Variants in SPMIP11 observed in about 807,000 individuals in gnomAD.
SPMIP11 encodes long intergenic non-protein coding RNA 935.
the SPMIP11 span, among the ~76,000 whole-genome samples, chr12:48,754,627 T>C: frequency 6.6e-6 from 1 of 151,876 alleles, no homozygotes; most frequent in Non-Finnish European, 1.5e-5. Flanking sequence ...ATTTTTTGTA[T>C]TTTTAGTAGA....
At chr12:48,765,504 C>G in the SPMIP11 span, 1 of 673,966 alleles carries the variant, frequency 1.5e-6, no homozygotes, top group Non-Finnish European at 2.7e-6. Flanking sequence ...GCTGGGATTA[C>G]AGGCGTGAGC....
the SPMIP11 span, among the ~76,000 whole-genome samples, chr12:48,757,912 T>C: frequency 6.6e-6 from 1 of 151,716 alleles, no homozygotes; most frequent in African/African-American, 2.4e-5. Context: ...GAGAATCGCT[T>C]GAACCCGGCA....
At chr12:48,732,771 A>G in the SPMIP11 span, among the ~76,000 whole-genome samples, 4 of 144,680 alleles carry the variant, frequency 2.8e-5, no homozygotes, top group Non-Finnish European at 6.1e-5. Flanking sequence ...ACTCCATCTG[A>G]AAAAAAAAAA....
the SPMIP11 span, among the ~76,000 whole-genome samples, chr12:48,742,742 G>A: frequency 2.0e-5 from 3 of 151,800 alleles, no homozygotes; most frequent in South Asian, 2.1e-4. Context: ...AAAATTAGCC[G>A]GGCATGGTGG....
the SPMIP11 span, chr12:48,770,900 G>T: frequency 3.7e-6 from 6 of 1,614,250 alleles, no homozygotes; most frequent in Non-Finnish European, 5.1e-6. Context: ...GTTCAGCCCT[G>T]AGGCAGCCAT....
the SPMIP11 span, among the ~76,000 whole-genome samples, chr12:48,730,642 A>G: frequency 6.6e-6 from 1 of 152,262 alleles, no homozygotes; most frequent in Admixed American, 6.5e-5. Flanking sequence ...TATCAGTAAG[A>G]AAACTGAGGC....
the SPMIP11 span, among the ~76,000 whole-genome samples, chr12:48,728,170 C>CT: frequency 6.9e-3 from 1,056 of 152,298 alleles, 18 homozygotes; most frequent in East Asian, 0.075. Context: ...ATGTTGGTGA[C>CT]TAGGGTTAAG....
chr12:48,754,850 G>C, the SPMIP11 span, among the ~76,000 whole-genome samples: 1 of 147,388 alleles, frequency 6.8e-6, no homozygotes, highest in Non-Finnish European at 1.5e-5. Flanking sequence ...GAACTTCAGC[G>C]ATCTTCCCAC....
chr12:48,729,471 T>A, the SPMIP11 span, among the ~76,000 whole-genome samples: 1 of 151,476 alleles, frequency 6.6e-6, no homozygotes, highest in East Asian at 1.9e-4. Flanking sequence ...GAAGTGGAGG[T>A]TGCAGTGAGC....
chr12:48,768,521 C>A, the SPMIP11 span: 1 of 1,609,802 alleles, frequency 6.2e-7, no homozygotes, highest in African/African-American at 1.3e-5. Flanking sequence ...GCCACAGCTC[C>A]ACCCAGTGAG....
chr12:48,751,288 G>A, the SPMIP11 span, among the ~76,000 whole-genome samples: 1 of 152,168 alleles, frequency 6.6e-6, no homozygotes, highest in Non-Finnish European at 1.5e-5. Context: ...AATGGATGTG[G>A]GGAACATACT....
chr12:48,740,768 T>C, the SPMIP11 span, among the ~76,000 whole-genome samples: 1 of 151,934 alleles, frequency 6.6e-6, no homozygotes, highest in Non-Finnish European at 1.5e-5. Context: ...GTGCCTCTAA[T>C]GCTAGCTACT....
At chr12:48,729,704 G>A in the SPMIP11 span, among the ~76,000 whole-genome samples, 25 of 116,638 alleles carry the variant, frequency 2.1e-4, no homozygotes, top group South Asian at 8.0e-4. Flanking sequence ...GCAAGACTCC[G>A]TCTAAAAAAA....
At chr12:48,759,270 C>T in the SPMIP11 span, 17 of 702,842 alleles carry the variant, frequency 2.4e-5, no homozygotes, top group Non-Finnish European at 3.4e-5. Flanking sequence ...GGAATTATTC[C>T]GTGCACCAGA....
At chr12:48,728,442 C>T in the SPMIP11 span, among the ~76,000 whole-genome samples, 1 of 152,168 alleles carries the variant, frequency 6.6e-6, no homozygotes, top group Non-Finnish European at 1.5e-5. Flanking sequence ...GGTGCGGTGG[C>T]TCACGCCTGT....
At chr12:48,728,650 G>C in the SPMIP11 span, among the ~76,000 whole-genome samples, 3 of 143,258 alleles carry the variant, frequency 2.1e-5, no homozygotes, top group Non-Finnish European at 4.5e-5. Context: ...GGAGCTTGCA[G>C]TGAGCTGAAA....
the SPMIP11 span, chr12:48,768,821 GC>G: frequency 6.4e-7 from 1 of 1,552,196 alleles, no homozygotes; most frequent in Non-Finnish European, 8.7e-7. Flanking sequence ...CCCAGTCCCT[GC>G]CCCACCATAC....
At chr12:48,736,157 A>G in the SPMIP11 span, 4 of 433,080 alleles carry the variant, frequency 9.2e-6, no homozygotes, top group Non-Finnish European at 9.2e-6. Flanking sequence ...TAATCCCAGG[A>G]CTTTGGAAGC....
At chr12:48,759,157 G>T in the SPMIP11 span, 4 of 698,742 alleles carry the variant, frequency 5.7e-6, no homozygotes, top group Non-Finnish European at 2.6e-6. Flanking sequence ...GGGAATCAGA[G>T]AATCAAATAG....
Sources: gnomAD v4.1 joint callset for allele counts (sites outside exome capture counted in the v4.1 genomes callset) on GRCh38, gnomAD v4.1.1 for gene constraint, MANE v1.5 for transcripts, NCBI Gene and HGNC (gene_info 2026-07-23, HGNC 2026-07-21) for gene names.